SAMD9: variants seen among roughly 807,000 people sequenced by gnomAD.
SAMD9 encodes sterile alpha motif domain containing 9.
A neutral mutation model predicts 1.5 loss-of-function variants in SAMD9; 3 were observed. The observed-to-expected ratio is 2.05, with a 90% CI of 0.93 to 5.29. The LOEUF (loss-of-function observed/expected upper bound fraction) is 5.29. SAMD9 is among the 30% of genes most tolerant of loss of function. SAMD9 has a pLI of 0.02. For missense variants in SAMD9, 1,597 were observed against 1,820.8 expected (o/e 0.88, Z 2.24); for synonymous variants, 635 against 631.9 (o/e 1.00, Z -0.07).
rs559163594 is a variant in SAMD9, at chr7:93,105,796, A to C, written c.302T>G (p.Val101Gly). The C allele has an allele frequency of 1.2e-6, 2 of 1,614,132 alleles. No homozygotes were observed. Among genetic ancestry groups the C allele is most frequent in the East Asian group, 4.5e-5 (2 of 44,870 alleles). ...AGTTTCTCTACGTTCCTTTTGAGAC[A>C]CAGTTTGGTCTTTAGGAGCATTTTT... ...PSKNAPKDQT[V>G]SQKERRETSK... The change falls in exon 3 of 3, where the codon GTG becomes GGG. Residue 101 changes from valine (V) to glycine (G), a missense_variant. By Grantham distance (109) the Val-to-Gly change is moderately radical. Around this residue, in one of 6 missense-constraint regions of SAMD9, gnomAD observed 498 missense variants for 457.4 expected, o/e 1.09. Coordinates refer to ENST00000379958, the MANE Select transcript of SAMD9 (RefSeq NM_017654.4).
Position 93,103,674 on chromosome 7 carries a change from A to G in SAMD9, c.2424T>C (p.Tyr808=), listed in dbSNP as rs1339134997. The G allele has an allele frequency of 1.2e-6, 2 of 1,613,732 alleles. No homozygotes were observed. The highest frequency in any genetic ancestry group is 8.5e-7 in the Non-Finnish European group (1 of 1,179,776). Residue 808 remains tyrosine (Y), a synonymous_variant, in exon 3 of 3, where the codon TAT becomes TAC. Transcript: ENST00000379958. ...VDDFEEQDNV[Y]LLQYSIQTAI... ...CTGTTTGAATAGAGTACTGCAGAAG[A>G]TAGACATTATCTTGTTCTTCAAAAT...
rs767106665 is a variant in SAMD9 at position 93,105,319 on chromosome 7, A to T, written c.779T>A (p.Leu260His). Residue 260 changes from leucine to histidine, a missense_variant, in exon 3 of 3, where the codon CTC (leucine) becomes CAC (histidine). Coordinates refer to ENST00000379958, the MANE Select transcript of SAMD9 (RefSeq NM_017654.4). Reference sequence around the variant, plus strand: ...TATCATCAGATTGAAATGGTTAATGAGGGCTTCCTTGGTATCATTGGTGAC... The same window carrying T: ...TATCATCAGATTGAAATGGTTAATGTGGGCTTCCTTGGTATCATTGGTGAC... ...IKVTNDTKEA[L>H]INHFNLMINK... 2 of 1,613,948 alleles carry T rather than the reference A, an allele frequency of 1.2e-6. No individual in the cohort carries two copies. The highest frequency in any genetic ancestry group is 1.7e-6 in the Non-Finnish European group (2 of 1,179,968).
In SAMD9 at chr7:93,102,591, T is replaced by C. The variant is rs753153301; in HGVS notation, c.3507A>G (p.Gln1169=). Residue 1169 remains glutamine, a synonymous_variant, in exon 3 of 3, where the codon CAA becomes CAG. Coordinates refer to ENST00000379958, the MANE Select transcript of SAMD9 (RefSeq NM_017654.4). Reference sequence around the variant, plus strand: ...TCACTTCATACTCTCTATCTTCACTTTGCTGTTGAGATTCTTTGAATGCAC... The same window carrying C: ...TCACTTCATACTCTCTATCTTCACTCTGCTGTTGAGATTCTTTGAATGCAC... ...ASSAFKESQQ[Q]SEDREYEVKE... 6.2e-7 allele frequency: 1 copy of C among 1,613,876 alleles called. No individual in the cohort carries two copies. The highest frequency in any genetic ancestry group is 8.5e-7 in the Non-Finnish European group (1 of 1,179,808).
chr7:93,108,584 A>G (rs959317408), intron 2 of SAMD9, among the ~76,000 whole-genome samples: 1 of 152,128 alleles, frequency 6.6e-6, no homozygotes, highest in African/African-American at 2.4e-5. Context: ...TACTTGGAAA[A>G]TTGGGACACT....
intron 1 of SAMD9, among the ~76,000 whole-genome samples, chr7:93,115,491 GC>G (rs1791818522): frequency 6.6e-6 from 1 of 152,118 alleles, no homozygotes; most frequent in African/African-American, 2.4e-5. Flanking sequence ...TTAAGAATAG[GC>G]AAAAGTAATC....
rs192958369 is a variant in SAMD9, at chr7:93,100,995, A to G, written c.*333T>C. 2 of 324,574 alleles carry G rather than the reference A, an allele frequency of 6.2e-6. No individual in the cohort carries two copies. Among genetic ancestry groups the G allele is most frequent in the East Asian group, 7.3e-5 (1 of 13,740 alleles). The allele number at this position is 324,574 out of a possible 1,614,324, so 20.1% of individuals were successfully genotyped here. On this transcript the variant is annotated 3_prime_UTR_variant, in exon 3 of 3. Transcript: ENST00000379958. ...CCATTTGAGTAGACAATCTTCTTCA[A>G]TCCATGCCTGGTAAGTAGTGGGGTT... is the stretch of plus-strand genomic sequence containing the variant.
intron 2 of SAMD9, among the ~76,000 whole-genome samples, chr7:93,109,519 G>A (rs1306306428): frequency 6.6e-6 from 1 of 152,200 alleles, no homozygotes; most frequent in African/African-American, 2.4e-5. Flanking sequence ...TGAGCTAAAG[G>A]AGGATGTTTG....
intron 2 of SAMD9, among the ~76,000 whole-genome samples, chr7:93,108,686 C>T (rs573532801): frequency 4.6e-5 from 7 of 152,322 alleles, no homozygotes; most frequent in African/African-American, 9.6e-5. Flanking sequence ...CCCACACCCA[C>T]GGAGCCTCAC....
chr7:93,116,462 A>G (rs1005049156), intron 1 of SAMD9, among the ~76,000 whole-genome samples: 3 of 152,146 alleles, frequency 2.0e-5, no homozygotes, highest in Non-Finnish European at 4.4e-5. Context: ...ACACTTTCAC[A>G]CTTCTTCCCC....
At chr7:93,116,574 T>C (rs190856034) in intron 1 of SAMD9, among the ~76,000 whole-genome samples, 1 of 152,324 alleles carries the variant, frequency 6.6e-6, no homozygotes, top group East Asian at 1.9e-4. Flanking sequence ...CCAGCATTCA[T>C]AGGTATTTAT....
rs186501833 is a variant in SAMD9, at chr7:93,099,757, A to G, written c.*1571T>C. The G allele has an allele frequency of 7.9e-5, 12 of 152,326 alleles. No individual in the cohort carries two copies. The East Asian group carries it at 2.3e-3, about 29-fold the overall frequency. 9.4% of individuals were successfully genotyped at this position (152,326 alleles called of 1,614,324 possible). On this transcript the variant is annotated 3_prime_UTR_variant, in exon 3 of 3. Transcript: ENST00000379958. Reference sequence around the variant, plus strand: ...GAGAAAAGTGTGCTGAATTCCATGTATCCAGCTTGCAGCCATTGTTAACTC... The same window carrying G: ...GAGAAAAGTGTGCTGAATTCCATGTGTCCAGCTTGCAGCCATTGTTAACTC...
rs1428995324 is a variant in SAMD9, at chr7:93,102,615, A to C, written c.3483T>G (p.Ser1161Arg). Residue 1161 changes from serine to arginine, a missense_variant, in exon 3 of 3, where the codon AGT (serine) becomes AGG (arginine). Ser to Arg is a moderately radical substitution (Grantham distance 110). Transcript: ENST00000379958. ...TTTGCTGTTGAGATTCTTTGAATGCACTTGAGGCATGTTCTGCTAAATCCA... is the reference window on the plus strand; with the variant it reads ...TTTGCTGTTGAGATTCTTTGAATGCCCTTGAGGCATGTTCTGCTAAATCCA... ...ALLDLAEHAS[S>R]AFKESQQQSE... is the part of the protein sequence containing the mutation. 1.9e-6 allele frequency: 3 copies of C among 1,613,700 alleles called. No homozygotes were observed. The highest frequency in any genetic ancestry group is 2.5e-6 in the Non-Finnish European group (3 of 1,179,782).
rs1791618926 is a variant in SAMD9 at position 93,105,395 on chromosome 7, T to TAGTG, written c.699_702dup (p.Ile235HisfsTer22). The TAGTG allele has an allele frequency of 6.2e-7, 1 of 1,613,918 alleles. No homozygotes were observed. Among genetic ancestry groups the TAGTG allele is most frequent in the Admixed American group, 1.7e-5 (1 of 59,986 alleles). On this transcript the variant is annotated frameshift_variant, in exon 3 of 3. Transcript: ENST00000379958. LOFTEE classifies it low-confidence loss of function (END_TRUNC). The stretch of plus-strand genomic sequence containing the variant: ...GGTTTGTCTTTGACTCCAAAATGAA[T>TAGTG]AGTGCCATTGGTACGTGAATTCATA...
In SAMD9 at chr7:93,102,331, T is replaced by A. The variant is rs561493201; in HGVS notation, c.3767A>T (p.Tyr1256Phe). Residue 1256 changes from tyrosine to phenylalanine, a missense_variant, in exon 3 of 3, where the codon TAT (tyrosine) becomes TTT (phenylalanine). By Grantham distance (22) the Tyr-to-Phe change is conservative. This residue lies in a region of SAMD9 where 682 missense variants were observed against 810.0 expected (regional missense o/e 0.84). Transcript: ENST00000379958. The part of the protein sequence containing the change: ...YKLALKNYIP[Y>F]LTKLKFSLKK... ...CAAAGAAAATTTCAATTTAGTTAAA[T>A]AAGGAATATAGTTTTTGAGGGCTAA... The A allele has an allele frequency of 6.2e-7, 1 of 1,608,682 alleles. No individual in the cohort carries two copies. The highest frequency in any genetic ancestry group is 2.2e-5 in the East Asian group (1 of 44,834).
At position 93,105,835 on chromosome 7, in the gene SAMD9, A is replaced by G. The variant is rs573516601; in HGVS notation, c.263T>C (p.Met88Thr). ...AIEDSIQTSK[M>T]GKPSKNAPKD... Reference sequence around the variant, plus strand: ...AGGAGCATTTTTACTGGGCTTTCCCATCTTAGATGTCTGAATCGAATCTTC... The same window carrying G: ...AGGAGCATTTTTACTGGGCTTTCCCGTCTTAGATGTCTGAATCGAATCTTC... Residue 88 changes from methionine to threonine, a missense_variant, in exon 3 of 3, where the codon ATG becomes ACG. Met to Thr is a moderately conservative substitution (Grantham distance 81). Around this residue, in one of 6 missense-constraint regions of SAMD9, gnomAD observed 498 missense variants for 457.4 expected, o/e 1.09. Transcript: ENST00000379958. The G allele has an allele frequency of 1.2e-6, 2 of 1,614,144 alleles. No individual in the cohort carries two copies. Among genetic ancestry groups the G allele is most frequent in the Admixed American group, 1.7e-5 (1 of 60,020 alleles).
Position 93,105,579 on chromosome 7 carries a change from A to G in SAMD9, c.519T>C (p.Tyr173=). Reference sequence around the variant, plus strand: ...GTAGACTAAAATCCAACTTGTAACGATATGGATTACTGAATTCATCAAATG... The same window carrying G: ...GTAGACTAAAATCCAACTTGTAACGGTATGGATTACTGAATTCATCAAATG... ...SYPFDEFSNP[Y]RYKLDFSLQP... The change falls in exon 3 of 3, where the codon TAT becomes TAC. Residue 173 remains tyrosine, a synonymous_variant. Transcript: ENST00000379958. 1 of 1,614,124 alleles carries G rather than the reference A, an allele frequency of 6.2e-7. No individual in the cohort carries two copies.
chr7:93,112,102 C>T (rs191456041), intron 2 of SAMD9, among the ~76,000 whole-genome samples: 179 of 152,306 alleles, frequency 1.2e-3, no homozygotes, highest in African/African-American at 4.1e-3. Context: ...AAAAGCTTAT[C>T]CTCCATGATC....
intron 2 of SAMD9, among the ~76,000 whole-genome samples, chr7:93,111,613 T>C (rs1791745582): frequency 6.6e-6 from 1 of 152,086 alleles, no homozygotes; most frequent in African/African-American, 2.4e-5. Context: ...CAATAAAAAA[T>C]GATAAAGGGG....
Position 93,105,468 on chromosome 7 carries a change from A to C in SAMD9, c.630T>G (p.Asp210Glu). The stretch of plus-strand genomic sequence containing the variant: ...CCTCATTGCTAAATTTCATCTTGAC[A>C]TCCTCTTCTGTGGCTGTTGCTGTAT... ...FTNTATATEE[D>E]VKMKFSNEVF... The change falls in exon 3 of 3, where the codon GAT becomes GAG. Residue 210 changes from aspartate (D) to glutamate (E), a missense_variant. Physicochemically the swap from Asp to Glu is conservative, Grantham distance 45. Around this residue, in one of 6 missense-constraint regions of SAMD9, gnomAD observed 498 missense variants for 457.4 expected, o/e 1.09. Transcript: ENST00000379958. The C allele has an allele frequency of 2.5e-6, 4 of 1,614,056 alleles. No homozygotes were observed. The African/African-American group carries it at 4.0e-5, about 16-fold the overall frequency.
Sources: allele counts gnomAD v4.1 joint callset (sites outside exome capture counted in the v4.1 genomes callset), GRCh38; gene constraint gnomAD v4.1.1; regional missense constraint gnomAD v4.1.1; transcripts MANE v1.5; gene names NCBI Gene and HGNC (gene_info 2026-07-23, HGNC 2026-07-21).